Variants in FNBP1 observed in about 807,000 individuals in gnomAD.
FNBP1 encodes the protein formin-binding protein 1.
In FNBP1, 26 loss-of-function variants were observed where a neutral mutation model predicts 90.6. The observed-to-expected ratio is 0.29, with a 90% CI of 0.21 to 0.40. The LOEUF is 0.40. FNBP1 is among the 10% of genes least tolerant of loss of function. The pLI, the probability that FNBP1 is intolerant of heterozygous loss-of-function variation, is 1.00. For missense variants in FNBP1, 635 were observed against 768.0 expected, an observed-to-expected ratio of 0.83 and a Z score of 2.05; for synonymous variants, 260 against 265.2, an observed-to-expected ratio of 0.98 and a Z score of 0.19.
At chr9:130,028,540 T>C (rs1267418186) in intron 1 of FNBP1, among the ~76,000 whole-genome samples, 1 of 152,188 alleles carries the variant, frequency 6.6e-6, no homozygotes, top group East Asian at 1.9e-4. Flanking sequence ...ACATTAGTTC[T>C]ACTTCTAAGC....
intron 12 of FNBP1, among the ~76,000 whole-genome samples, chr9:129,906,799 G>A (rs1175361168): frequency 6.8e-6 from 1 of 146,830 alleles, no homozygotes; most frequent in South Asian, 2.2e-4. Context: ...TTTTTTTTTT[G>A]AGACAGAGTC....
chr9:129,924,950 C>CCAT lies in FNBP1; in HGVS notation c.987+7_987+9dup. ...CCTTAGAAAACTCATTTCACGCCAA[C>CCAT]CATCAGTACCTTATTTTTTTTGATG... On this transcript the variant is annotated intron_variant, in intron 9 of 16. Transcript: ENST00000446176. 6.2e-7 allele frequency: 1 copy of CCAT among 1,603,584 alleles called. No individual in the cohort carries two copies. Among genetic ancestry groups the CCAT allele is most frequent in the East Asian group, 2.2e-5 (1 of 44,750 alleles).
At chr9:130,035,089 C>T (rs2059190169) in intron 1 of FNBP1, among the ~76,000 whole-genome samples, 2 of 152,172 alleles carry the variant, frequency 1.3e-5, no homozygotes, top group Admixed American at 6.5e-5. Flanking sequence ...GCAGAGGTTG[C>T]AGTGAGTCGA....
chr9:129,917,368 G>C (rs1052005866), intron 10 of FNBP1, among the ~76,000 whole-genome samples: 1 of 151,810 alleles, frequency 6.6e-6, no homozygotes, highest in Non-Finnish European at 1.5e-5. Context: ...TTTTGTTTTT[G>C]GAGACAGGGC....
At chr9:130,021,692 A>C (rs909747880) in intron 1 of FNBP1, among the ~76,000 whole-genome samples, 11 of 152,236 alleles carry the variant, frequency 7.2e-5, no homozygotes, top group African/African-American at 2.4e-4. Context: ...TCAAAAAAAA[A>C]CACAGCAATC....
chr9:130,049,854 A>G, the FNBP1 span, among the ~76,000 whole-genome samples: 3 of 151,658 alleles, frequency 2.0e-5, no homozygotes, highest in Non-Finnish European at 4.4e-5. Context: ...TCCTTTCAGC[A>G]TTTTCTTTTT....
At chr9:129,921,201 G>A (rs2041027358) in intron 10 of FNBP1, among the ~76,000 whole-genome samples, 1 of 151,564 alleles carries the variant, frequency 6.6e-6, no homozygotes. Context: ...AGGAAATATT[G>A]TTTTGTCCCC....
chr9:130,050,232 C>G, the FNBP1 span, among the ~76,000 whole-genome samples: 829 of 152,254 alleles, frequency 5.4e-3, 12 homozygotes, highest in African/African-American at 0.019. Flanking sequence ...ACCAGGAACT[C>G]CATGGTGAGT....
chr9:130,012,807 T>C (rs942461946), intron 1 of FNBP1, among the ~76,000 whole-genome samples: 1 of 152,052 alleles, frequency 6.6e-6, no homozygotes, highest in African/African-American at 2.4e-5. Context: ...ACCAGGCTAA[T>C]TTTTTGTATT....
At chr9:130,020,700 T>G (rs2057743758) in intron 1 of FNBP1, among the ~76,000 whole-genome samples, 3 of 152,152 alleles carry the variant, frequency 2.0e-5, no homozygotes, top group Admixed American at 2.0e-4. Flanking sequence ...CTACGCCAAC[T>G]CAGCGGAGAC....
At chr9:129,982,513 T>C (rs1025042817) in intron 2 of FNBP1, among the ~76,000 whole-genome samples, 168 of 152,090 alleles carry the variant, frequency 1.1e-3, no homozygotes, top group African/African-American at 4.0e-3. Flanking sequence ...AAGGGAAATG[T>C]GCGCAAAACA....
chr9:129,890,383 C>T lies in FNBP1; in HGVS notation c.*156G>A, dbSNP rs1042302259. On this transcript the variant is annotated 3_prime_UTR_variant, in exon 17 of 17. Coordinates refer to ENST00000446176, the MANE Select transcript of FNBP1 (RefSeq NM_015033.3). The surrounding 1 kb of genome is among the most constrained non-coding windows in gnomAD (Gnocchi z 5.8). The stretch of plus-strand genomic sequence containing the variant: ...CCCGGGCTGGGCGGGAGGGCAGGGC[C>T]GCAGGGAGCATGCTGGAGAGAGAGA... The T allele has an allele frequency of 9.5e-6, 6 of 629,562 alleles. No homozygotes were observed. The highest frequency in any genetic ancestry group is 4.2e-4 in the Middle Eastern group (1 of 2,366). 39.0% of individuals were successfully genotyped at this position (629,562 alleles called of 1,614,324 possible).
In FNBP1 at chr9:129,927,119, G is replaced by A. The variant is rs566208970; in HGVS notation, c.789+76C>T. ...ATCCACCATGAGATGATGACATGAG[G>A]TCAAATGGAAAGGGGATGGGGAGAA... On this transcript the variant is annotated intron_variant, in intron 8 of 16. Coordinates refer to ENST00000446176, the MANE Select transcript of FNBP1 (RefSeq NM_015033.3). 59 of 1,479,434 alleles carry A rather than the reference G, an allele frequency of 4.0e-5. No individual in the cohort carries two copies. In the African/African-American group the frequency reaches 4.7e-4, roughly 12 times the overall value. 91.6% of individuals were successfully genotyped at this position (1,479,434 alleles called of 1,614,324 possible).
In FNBP1 at chr9:129,957,226, TG is replaced by T; in HGVS notation, c.513+133del. The T allele has an allele frequency of 1.6e-6, 1 of 628,030 alleles. No homozygotes were observed. The highest frequency in any genetic ancestry group is 2.8e-6 in the Non-Finnish European group (1 of 358,168). The allele number at this position is 628,030 out of a possible 1,614,324, so 38.9% of individuals were successfully genotyped here. A position where few individuals can be genotyped will look rare whatever the true frequency, so the allele number is the denominator to read the frequency against. On this transcript the variant is annotated intron_variant, in intron 6 of 16. Coordinates refer to ENST00000446176, the MANE Select transcript of FNBP1 (RefSeq NM_015033.3). The surrounding 1 kb of genome is among the most constrained non-coding windows in gnomAD (Gnocchi z 4.3). ...CTAATTTTTGTGTTTTTCGTAGAGA[TG>T]GGGTTTCACCATCTTGGCCAGGCTG...
intron 12 of FNBP1, among the ~76,000 whole-genome samples, chr9:129,908,381 T>C (rs916062578): frequency 6.7e-6 from 1 of 149,942 alleles, no homozygotes; most frequent in Non-Finnish European, 1.5e-5. Flanking sequence ...TTTTTTTCTT[T>C]TTTTTTTTTT....
chr9:129,975,332 T>A (rs2050140125), intron 4 of FNBP1, among the ~76,000 whole-genome samples: 1 of 152,172 alleles, frequency 6.6e-6, no homozygotes, highest in East Asian at 1.9e-4. Context: ...TTTAATTTAA[T>A]AACAGAATGT....
intron 12 of FNBP1, among the ~76,000 whole-genome samples, chr9:129,906,194 A>G (rs1164936853): frequency 6.6e-6 from 1 of 152,034 alleles, no homozygotes; most frequent in East Asian, 1.9e-4. Flanking sequence ...ATTTCTTAAT[A>G]TTTGTTATTG....
intron 10 of FNBP1, among the ~76,000 whole-genome samples, chr9:129,921,728 G>A (rs2007126): frequency 0.79 from 120,247 of 152,058 alleles, 47,864 homozygotes; most frequent in East Asian, 0.88. Flanking sequence ...TTTACACAGA[G>A]TTGTTTTTGT....
At chr9:129,902,231 G>A (rs1564272799) in intron 13 of FNBP1, among the ~76,000 whole-genome samples, 1 of 152,040 alleles carries the variant, frequency 6.6e-6, no homozygotes, top group Non-Finnish European at 1.5e-5. Flanking sequence ...GATTCACTGG[G>A]ATAACGGATC....
Sources: gnomAD v4.1 joint callset for allele counts (sites outside exome capture counted in the v4.1 genomes callset) on GRCh38, gnomAD v4.1.1 for gene constraint, Gnocchi (gnomAD v3.1) non-coding constraint, MANE v1.5 for transcripts, NCBI Gene and HGNC (gene_info 2026-07-23, HGNC 2026-07-21) for gene names.